Variants in PLCH2 observed in about 807,000 individuals in gnomAD.
PLCH2 encodes 1-phosphatidylinositol 4,5-bisphosphate phosphodiesterase eta-2.
In PLCH2, 98 loss-of-function variants were observed where a neutral mutation model predicts 134.7. The ratio of observed to expected loss-of-function variants is 0.73; its 90% CI spans 0.62 to 0.86. The LOEUF (loss-of-function observed/expected upper bound fraction) is 0.86, where lower values mean the gene tolerates loss of function less well. PLCH2 is among the 40% of genes least tolerant of loss of function. The probability of loss-of-function intolerance (pLI) is 0.00; values close to 1 mark genes in which losing one functional copy is unlikely to be tolerated. For missense variants in PLCH2, 1,994 were observed against 1,986.6 expected (o/e 1.00, Z -0.07); for synonymous variants, 974 against 827.5 (o/e 1.18, Z -3.04).
chr1:2,477,098 G>T (rs552592726), intron 1 of PLCH2, among the ~76,000 whole-genome samples: 1 of 152,176 alleles, frequency 6.6e-6, no homozygotes. Flanking sequence ...GGCCTTTGCC[G>T]TTAGGAGACT....
chr1:2,502,417 G>T lies in PLCH2; in HGVS notation c.2959+8G>T. 2 of 1,543,898 alleles carry T rather than the reference G, an allele frequency of 1.3e-6. No homozygotes were observed. The highest frequency in any genetic ancestry group is 8.7e-7 in the Non-Finnish European group (1 of 1,146,012). On this transcript the variant is annotated splice_region_variant and intron_variant, in intron 21 of 21. Coordinates refer to ENST00000378486, the MANE Select transcript of PLCH2 (RefSeq NM_014638.4). Reference sequence around the variant, plus strand: ...GCAGCGGCAGCCCCCGAGGTAAGGCGCCAGCTGCGGTGGCAGAGAAGAGCC... The same window carrying T: ...GCAGCGGCAGCCCCCGAGGTAAGGCTCCAGCTGCGGTGGCAGAGAAGAGCC...
intron 2 of PLCH2, among the ~76,000 whole-genome samples, chr1:2,445,430 G>T (rs1383342094): frequency 6.6e-6 from 1 of 152,184 alleles, no homozygotes; most frequent in Non-Finnish European, 1.5e-5. Flanking sequence ...TGGTGGGAGT[G>T]TCTGCTGGAC....
intron 2 of PLCH2, among the ~76,000 whole-genome samples, chr1:2,450,173 C>T (rs1025545271): frequency 6.6e-6 from 1 of 152,202 alleles, no homozygotes; most frequent in African/African-American, 2.4e-5. Context: ...CCCTTCTTGG[C>T]TGGGCCTCGA....
chr1:2,478,814 G>A (rs1051789310), intron 2 of PLCH2, among the ~76,000 whole-genome samples, 192 bp downstream of exon 2: 4 of 152,128 alleles, frequency 2.6e-5, no homozygotes, highest in Admixed American at 6.5e-5. Flanking sequence ...CCCCCTGCCC[G>A]CCTGGCAGAG....
rs1435284172 is a variant in PLCH2, at chr1:2,489,350, A to G, written c.1379A>G (p.Gln460Arg). The change falls in exon 9 of 22, where the codon CAG becomes CGG. Residue 460 changes from glutamine to arginine, a missense_variant. By Grantham distance (43) the Gln-to-Arg change is conservative. Coordinates refer to ENST00000378486, the MANE Select transcript of PLCH2 (RefSeq NM_014638.4). ...GATGCCACCACACTCCCCTCTCCAC[A>G]GATGCTCAAGGGCAAGATCCTCGTG... ...SEDATTLPSP[Q>R]MLKGKILVKG... 1 of 1,613,734 alleles carries G rather than the reference A, an allele frequency of 6.2e-7. No homozygotes were observed. Among genetic ancestry groups the G allele is most frequent in the Non-Finnish European group, 8.5e-7 (1 of 1,179,872 alleles).
chr1:2,503,152 G>A, intron 21 of PLCH2: 4 of 644,386 alleles, frequency 6.2e-6, no homozygotes, highest in Non-Finnish European at 1.1e-5. Flanking sequence ...GGCCCGACAG[G>A]CTGGGAAGAA....
chr1:2,465,600 A>G (rs1641021482), upstream of PLCH2, among the ~76,000 whole-genome samples: 4 of 152,066 alleles, frequency 2.6e-5, no homozygotes, highest in South Asian at 8.3e-4. Context: ...GCCACCTGCC[A>G]CCCGCCGGGC....
chr1:2,478,547 G>A lies in PLCH2; in HGVS notation c.196G>A (p.Val66Ile). Residue 66 changes from valine (V) to isoleucine (I), a missense_variant, in exon 2 of 22, where the codon GTC (valine) becomes ATC (isoleucine). Around this residue, in one of 2 missense-constraint regions of PLCH2, gnomAD observed 1,094 missense variants for 1,234.3 expected, o/e 0.89. Coordinates refer to ENST00000378486, the MANE Select transcript of PLCH2 (RefSeq NM_014638.4). ...VKLRGGSKGL[V>I]RFYYLDEHRS... The stretch of plus-strand genomic sequence containing the variant: ...GCTGCGTGGCGGCTCCAAGGGCCTG[G>A]TCCGCTTCTACTACCTGGACGAGCA... 1 of 1,612,836 alleles carries A rather than the reference G, an allele frequency of 6.2e-7. No individual in the cohort carries two copies. The highest frequency in any genetic ancestry group is 8.5e-7 in the Non-Finnish European group (1 of 1,179,774).
intron 11 of PLCH2, among the ~76,000 whole-genome samples, chr1:2,494,096 C>A (rs886679412): frequency 6.6e-6 from 1 of 152,140 alleles, no homozygotes; most frequent in Non-Finnish European, 1.5e-5. Context: ...AGCCCCCACC[C>A]TTGGTGGGGG....
intron 2 of PLCH2, among the ~76,000 whole-genome samples, chr1:2,453,227 C>G (rs1042107734): frequency 6.6e-6 from 1 of 152,214 alleles, no homozygotes; most frequent in Admixed American, 6.5e-5. Context: ...CGCCAGTGCC[C>G]CCACTGTGCT....
intron 2 of PLCH2, among the ~76,000 whole-genome samples, chr1:2,443,431 T>A (rs1305486457): frequency 2.0e-5 from 3 of 152,076 alleles, no homozygotes; most frequent in Non-Finnish European, 4.4e-5. Context: ...ACGCCCAGCC[T>A]GGAGATGGGA....
At chr1:2,454,032 C>T (rs1039405822) in intron 2 of PLCH2, among the ~76,000 whole-genome samples, 3 of 152,104 alleles carry the variant, frequency 2.0e-5, no homozygotes, top group African/African-American at 4.8e-5. Flanking sequence ...AGTGGGGTTC[C>T]GGGGGTGCCG....
intron 11 of PLCH2, chr1:2,494,260 C>T (rs572796522): frequency 6.2e-6 from 1 of 160,742 alleles, no homozygotes; most frequent in African/African-American, 2.4e-5. Context: ...TGAGGCAGCC[C>T]TGGGTTCGGC....
chr1:2,475,069 G>T (rs1039309837), upstream of PLCH2, among the ~76,000 whole-genome samples: 21 of 152,174 alleles, frequency 1.4e-4, no homozygotes, highest in Admixed American at 1.0e-3. Context: ...GGCCCCTGGT[G>T]GGGGCCTGGG....
chr1:2,505,019 G>A lies in PLCH2; in HGVS notation c.4057G>A (p.Ala1353Thr), dbSNP rs1643466872. 1.9e-6 allele frequency: 3 copies of A among 1,542,326 alleles called. No individual in the cohort carries two copies. Among genetic ancestry groups the A allele is most frequent in the Non-Finnish European group, 1.7e-6 (2 of 1,150,654 alleles). The change falls in exon 22 of 22, where the codon GCC becomes ACC. Residue 1353 changes from alanine (A) to threonine (T), a missense_variant. Transcript: ENST00000378486. ...HSRVRAIASR[A>T]RQAQERQQRL... ...CCGCGTGCGTGCCATTGCCAGCCGGGCCCGCCAGGCCCAGGAGCGGCAGCA... is the reference window on the plus strand; with the variant it reads ...CCGCGTGCGTGCCATTGCCAGCCGGACCCGCCAGGCCCAGGAGCGGCAGCA...
intron 2 of PLCH2, among the ~76,000 whole-genome samples, chr1:2,451,995 C>G (rs1007198056): frequency 7.9e-5 from 12 of 152,336 alleles, no homozygotes; most frequent in Non-Finnish European, 1.3e-4. Context: ...GAGGTCTGCT[C>G]TGCCGTGGGC....
chr1:2,481,439 C>T (rs568566319), intron 4 of PLCH2, among the ~76,000 whole-genome samples: 1 of 152,254 alleles, frequency 6.6e-6, no homozygotes, highest in Non-Finnish European at 1.5e-5. Context: ...GGCTCAGGGG[C>T]AGCTCTGGGG....
rs868028022 is a variant in PLCH2 at position 2,448,225 on chromosome 1, G to A, written c.115+17596G>A. Among the ~76,000 whole-genome samples, 11 of 152,174 alleles carry A rather than the reference G, an allele frequency of 7.2e-5. No individual in the cohort carries two copies. Among genetic ancestry groups the A allele is most frequent in the Non-Finnish European group, 1.2e-4 (8 of 68,042 alleles). ...CCTGCAGCTGCTGGGACCGGCTGCC[G>A]TGCACTGGCCACTAAAAACGCCGCA... On this transcript the variant is annotated intron_variant, in intron 2 of 3. Transcript: ENST00000609981. This position sits in a 1 kb window ranked among gnomAD's most constrained non-coding sequence, Gnocchi z 4.0.
intron 5 of PLCH2, among the ~76,000 whole-genome samples, chr1:2,485,998 A>G (rs1642265916): frequency 6.6e-6 from 1 of 152,116 alleles, no homozygotes; most frequent in South Asian, 2.1e-4. Context: ...CGCATGGCCC[A>G]GGCAGGGGAA....
Sources: allele counts gnomAD v4.1 joint callset (sites outside exome capture counted in the v4.1 genomes callset), GRCh38; gene constraint gnomAD v4.1.1; regional missense constraint gnomAD v4.1.1; non-coding constraint Gnocchi (gnomAD v3.1); transcripts MANE v1.5; gene names NCBI Gene and HGNC (gene_info 2026-07-23, HGNC 2026-07-21).